The following KRT73 variants were observed in gnomAD, a reference collection of about 807,000 sequenced individuals.
The protein encoded by KRT73 is keratin 73, also known as keratin, type II cytoskeletal 73.
In KRT73, 44 loss-of-function variants were observed where a neutral mutation model predicts 47.2. That is an observed-to-expected ratio of 0.93 (90% CI 0.73 to 1.20). The LOEUF (loss-of-function observed/expected upper bound fraction) is 1.20. Among genes scored for constraint, KRT73 ranks in the 50% most tolerant of loss-of-function variants. The pLI, the probability that KRT73 is intolerant of heterozygous loss-of-function variation, is 0.00. For missense variants in KRT73, 713 were observed against 704.5 expected (o/e 1.01, Z -0.14); for synonymous variants, 285 against 291.3 (o/e 0.98, Z 0.22).
chr12:52,618,627 G>A, upstream of KRT73: 1 of 1,246,884 alleles, frequency 8.0e-7, no homozygotes. Flanking sequence ...TCAAGAGGGA[G>A]CCATGGGCCT....
chr12:52,610,560 G>T (rs1411030119), intron 7 of KRT73, 55 bp downstream of exon 7: 1 of 383,518 alleles, frequency 2.6e-6, no homozygotes. Context: ...ACCACACTCT[G>T]GGAAACTTTA....
chr12:52,621,588 A>G (rs1940908194), upstream of KRT73, among the ~76,000 whole-genome samples: 1 of 152,176 alleles, frequency 6.6e-6, no homozygotes, highest in South Asian at 2.1e-4. Flanking sequence ...GAAGGCAGGA[A>G]TCTGGAAAGG....
chr12:52,615,404 T>A (rs1307228256), intron 2 of KRT73, 65 bp from the exon 3 acceptor site: 7 of 1,309,202 alleles, frequency 5.3e-6, no homozygotes, highest in Non-Finnish European at 7.7e-6. Context: ...GTTCTCATAG[T>A]GAAATGAGAA....
chr12:52,608,268 A>T lies in KRT73; in HGVS notation c.1551T>A (p.Ser517Arg). 6.2e-7 allele frequency: 1 copy of T among 1,613,538 alleles called. No individual in the cohort carries two copies. The highest frequency in any genetic ancestry group is 8.5e-7 in the Non-Finnish European group (1 of 1,179,936). The change falls in exon 9 of 9, where the codon AGT becomes AGA. Residue 517 changes from serine (S) to arginine (R), a missense_variant. Ser to Arg is a moderately radical substitution (Grantham distance 110). Coordinates refer to ENST00000305748, the MANE Select transcript of KRT73 (RefSeq NM_175068.3). Reference protein sequence around the residue: ...PRGEARTRLGSASEFRDSQGK... With the variant: ...PRGEARTRLGRASEFRDSQGK... ...CCTGGGAGTCCCTGAATTCACTTGC[A>T]CTCCCCAGCCTGGTCCTGGCTTCCC...
At chr12:52,621,651 G>A (rs996398297), upstream of KRT73, among the ~76,000 whole-genome samples, 2 of 152,132 alleles carry the variant, frequency 1.3e-5, no homozygotes, top group African/African-American at 4.8e-5. Flanking sequence ...CACATCATCA[G>A]GAAAGGGGCA....
At chr12:52,627,075 C>T in the KRT73 span, among the ~76,000 whole-genome samples, 1 of 152,170 alleles carries the variant, frequency 6.6e-6, no homozygotes, top group Non-Finnish European at 1.5e-5. Flanking sequence ...CTTATGTGCC[C>T]AGCACTGCTC....
At chr12:52,608,477 A>G (rs1231637167) in intron 8 of KRT73, 25 bp from the exon 9 acceptor site, 15 of 1,580,412 alleles carry the variant, frequency 9.5e-6, no homozygotes, top group Non-Finnish European at 1.2e-5. Flanking sequence ...GGGACGAGTG[A>G]TCAGTGTATA....
the KRT73 span, among the ~76,000 whole-genome samples, chr12:52,630,102 G>T: frequency 3.3e-5 from 5 of 152,168 alleles, no homozygotes; most frequent in South Asian, 2.1e-4. Flanking sequence ...AAGTCTAGAG[G>T]GTAAAGCAGT....
chr12:52,610,101 A>T (rs1394321385), intron 7 of KRT73: 1 of 151,026 alleles, frequency 6.6e-6, no homozygotes, highest in Non-Finnish European at 1.4e-5. Flanking sequence ...TTTGAGATGG[A>T]GTCTCATTCT....
At position 52,610,713 on chromosome 12, in the gene KRT73, TGCCA is replaced by T; in HGVS notation, c.1229_1232del (p.Leu410HisfsTer11). 6.2e-7 allele frequency: 1 copy of T among 1,614,004 alleles called. No homozygotes were observed. Among genetic ancestry groups the T allele is most frequent in the Non-Finnish European group, 8.5e-7 (1 of 1,180,006 alleles). On this transcript the variant is annotated frameshift_variant, in exon 7 of 9. Coordinates refer to ENST00000305748, the MANE Select transcript of KRT73 (RefSeq NM_175068.3). LOFTEE classifies it high-confidence loss of function. The stretch of plus-strand genomic sequence containing the variant: ...GCTCTTGGTACTCGCGCAGCATCCG[TGCCA>T]GCTCCTCCTTGGCCTGCTGCAGGGC...
At chr12:52,609,793 A>AT (rs1940656316) in intron 7 of KRT73, 1 of 153,442 alleles carries the variant, frequency 6.5e-6, no homozygotes, top group Admixed American at 6.5e-5. Context: ...GATATTTAGT[A>AT]TTTTTAATTG....
In KRT73 at chr12:52,608,191, C is replaced by T. The variant is rs754432001; in HGVS notation, c.*5G>A. The T allele has an allele frequency of 5.0e-6, 8 of 1,607,790 alleles. No homozygotes were observed. The highest frequency in any genetic ancestry group is 6.8e-6 in the Non-Finnish European group (8 of 1,176,742). ...GACTACTGGGAAATGGGCTGTGTTG[C>T]ACTTTTATCTCATGGTTTTTTTGGT... On this transcript the variant is annotated 3_prime_UTR_variant, in exon 9 of 9. Transcript: ENST00000305748.
At chr12:52,610,529 G>GGCCCCC in intron 7 of KRT73, 86 bp downstream of exon 7, 1 of 295,156 alleles carries the variant, frequency 3.4e-6, no homozygotes, top group Non-Finnish European at 6.8e-6. Flanking sequence ...CCAGCTCGCC[G>GGCCCCC]CCCCCTCCCC....
In KRT73 at chr12:52,614,616, T is replaced by C. The variant is rs527434090; in HGVS notation, c.782A>G (p.Asp261Gly). 1 of 1,613,984 alleles carries C rather than the reference T, an allele frequency of 6.2e-7. No homozygotes were observed. The highest frequency in any genetic ancestry group is 2.2e-5 in the East Asian group (1 of 44,868). ...ACACTTGAAGAACTTGATTTCTCCA[T>C]CCAGGGCATCCACCTTGGCCTGCAG... ...VELQAKVDALDGEIKFFKCLY... is the reference protein window; with the variant it reads ...VELQAKVDALGGEIKFFKCLY... The change falls in exon 4 of 9, where the codon GAT becomes GGT. Residue 261 changes from aspartate (D) to glycine (G), a missense_variant. Transcript: ENST00000305748.
At position 52,615,342 on chromosome 12, in the gene KRT73, G is replaced by A. The variant is rs746176973; in HGVS notation, c.663-3C>T. Reference sequence around the variant, plus strand: ...GCTTGTTTATTTCTTCTTCATACCTGCAGGGAAAGCATCACAGGAAGCAGA... The same window carrying A: ...GCTTGTTTATTTCTTCTTCATACCTACAGGGAAAGCATCACAGGAAGCAGA... On this transcript the variant is annotated splice_polypyrimidine_tract_variant and splice_region_variant and intron_variant, in intron 2 of 8. Transcript: ENST00000305748. The A allele has an allele frequency of 6.2e-7, 1 of 1,613,290 alleles. No homozygotes were observed. Among genetic ancestry groups the A allele is most frequent in the South Asian group, 1.1e-5 (1 of 91,026 alleles).
At chr12:52,614,219 A>G (rs1467676489) in intron 4 of KRT73, 7 of 337,526 alleles carry the variant, frequency 2.1e-5, no homozygotes, top group African/African-American at 1.5e-4. Context: ...GAGAAGGCAG[A>G]AGGGGTATGA....
chr12:52,610,526 GCCGCCC>G, intron 7 of KRT73, 83 bp downstream of exon 7: 2 of 401,430 alleles, frequency 5.0e-6, no homozygotes, highest in South Asian at 1.7e-5. Flanking sequence ...TCGCCAGCTC[GCCGCCC>G]CCTCCCCCCC....
chr12:52,621,556 A>G (rs1045140042), upstream of KRT73, among the ~76,000 whole-genome samples: 1 of 152,172 alleles, frequency 6.6e-6, no homozygotes, highest in Non-Finnish European at 1.5e-5. Flanking sequence ...TTTGTCTCCT[A>G]TATTCCAGAC....
Position 52,613,818 on chromosome 12 carries a change from G to T in KRT73, c.854C>A (p.Thr285Lys). The T allele has an allele frequency of 6.2e-7, 1 of 1,614,138 alleles. No homozygotes were observed. Among genetic ancestry groups the T allele is most frequent in the Non-Finnish European group, 8.5e-7 (1 of 1,179,970 alleles). The change falls in exon 5 of 9, where the codon ACG becomes AAG. Residue 285 changes from threonine (T) to lysine (K), a missense_variant. Physicochemically the swap from Thr to Lys is moderately conservative, Grantham distance 78. Transcript: ENST00000305748. ...GTTGTCCATGGACAGGATGATGGAC[G>T]TGTCGCTGATGTGGGACTGGATCTG... ...TAQIQSHISD[T>K]SIILSMDNNR...
Sources: allele counts gnomAD v4.1 joint callset (sites outside exome capture counted in the v4.1 genomes callset), GRCh38; gene constraint gnomAD v4.1.1; transcripts MANE v1.5; gene names NCBI Gene and HGNC (gene_info 2026-07-23, HGNC 2026-07-21).